The following ARHGAP32 variants were observed in gnomAD, a reference collection of about 807,000 sequenced individuals.
The protein encoded by ARHGAP32 is rho GTPase-activating protein 32.
A neutral mutation model predicts 186.5 loss-of-function variants in ARHGAP32; 51 were observed. That is an observed-to-expected ratio of 0.27 (90% confidence interval 0.22 to 0.35). The LOEUF (loss-of-function observed/expected upper bound fraction) is 0.35, where lower values mean the gene tolerates loss of function less well. Ranked by LOEUF, ARHGAP32 falls within the 10% of genes least tolerant of loss-of-function variation. ARHGAP32 has a pLI of 1.00. For synonymous variants in ARHGAP32, 950 were observed against 964.3 expected (o/e 0.99, Z 0.27); for missense variants, 2,186 against 2,623.5 (o/e 0.83, Z 3.64).
chr11:129,252,597 T>A (rs7927829), intron 1 of ARHGAP32, among the ~76,000 whole-genome samples: 132,931 of 152,254 alleles, frequency 0.87, 58,301 homozygotes, highest in African/African-American at 0.95. Flanking sequence ...TCCAAATTCA[T>A]CTGAGTAGGA....
At chr11:129,050,347 T>G (rs1385687912) in intron 10 of ARHGAP32, among the ~76,000 whole-genome samples, 7 of 152,250 alleles carry the variant, frequency 4.6e-5, no homozygotes, top group African/African-American at 1.7e-4. Flanking sequence ...TTTTTTAAAT[T>G]GAATTGCTTT....
At chr11:129,174,445 T>C (rs1943856747) in intron 1 of ARHGAP32, among the ~76,000 whole-genome samples, 1 of 152,066 alleles carries the variant, frequency 6.6e-6, no homozygotes, top group Admixed American at 6.5e-5. Context: ...CCACCACAGC[T>C]CAAGGAGGCC....
At chr11:129,212,146 C>A (rs1262136332) in intron 1 of ARHGAP32, among the ~76,000 whole-genome samples, 1 of 151,996 alleles carries the variant, frequency 6.6e-6, no homozygotes, top group Non-Finnish European at 1.5e-5. Context: ...CAGAGCAAGA[C>A]CCTGTCTCAA....
rs1319213620 is a variant in ARHGAP32, at chr11:128,986,387, C to T, written c.1443+137G>A. 1.7e-5 allele frequency: 15 copies of T among 901,790 alleles called. No individual in the cohort carries two copies. In the African/African-American group the frequency reaches 2.4e-4, roughly 14 times the overall value. The allele number at this position is 901,790 out of a possible 1,614,324, so 55.9% of individuals were successfully genotyped here. A position where few individuals can be genotyped will look rare whatever the true frequency, so the allele number is the denominator to read the frequency against. ...ACAGCAAAGACCACCGACTAGCTGG[C>T]AATATTTGTTTTTTTAAGGAGTCAT... is the stretch of plus-strand genomic sequence containing the variant. On this transcript the variant is annotated intron_variant, in intron 14 of 22. Transcript: ENST00000682385.
At chr11:129,025,899 ATATT>A (rs1192952252) in intron 11 of ARHGAP32, among the ~76,000 whole-genome samples, 1 of 149,382 alleles carries the variant, frequency 6.7e-6, no homozygotes, top group Non-Finnish European at 1.5e-5. Flanking sequence ...CTTGACATAT[ATATT>A]TAAGTAATAC....
intron 6 of ARHGAP32, among the ~76,000 whole-genome samples, chr11:129,083,988 A>G (rs1476564191): frequency 1.3e-5 from 2 of 151,834 alleles, no homozygotes; most frequent in East Asian, 3.8e-4. Context: ...GACCGTCACT[A>G]CAGATCACAT....
At chr11:128,976,256 T>C (rs1223205638) in intron 20 of ARHGAP32, among the ~76,000 whole-genome samples, 2 of 152,066 alleles carry the variant, frequency 1.3e-5, no homozygotes, top group Non-Finnish European at 2.9e-5. Flanking sequence ...TTGTAAAATC[T>C]AAAGGAAACA....
intron 1 of ARHGAP32, among the ~76,000 whole-genome samples, chr11:129,171,249 C>A (rs1943753761): frequency 6.6e-6 from 1 of 152,172 alleles, no homozygotes; most frequent in African/African-American, 2.4e-5. Context: ...TTTGCCCATG[C>A]CTATGTCCTG....
At chr11:129,043,712 A>C (rs1939697536) in intron 10 of ARHGAP32, among the ~76,000 whole-genome samples, 1 of 151,920 alleles carries the variant, frequency 6.6e-6, no homozygotes, top group Non-Finnish European at 1.5e-5. Context: ...TTGAAGGAGA[A>C]TTGCTTGCAT....
intron 13 of ARHGAP32, among the ~76,000 whole-genome samples, chr11:128,986,938 C>G (rs183908331): frequency 6.6e-6 from 1 of 152,128 alleles, no homozygotes. Flanking sequence ...TATGAATGAA[C>G]AGCTCTTATA....
chr11:129,164,863 T>G (rs960247689), intron 1 of ARHGAP32, among the ~76,000 whole-genome samples: 14 of 152,266 alleles, frequency 9.2e-5, no homozygotes, highest in Middle Eastern at 3.4e-3. Flanking sequence ...CAAATAAGCA[T>G]TTTCAATGAG....
intron 11 of ARHGAP32, among the ~76,000 whole-genome samples, chr11:129,037,853 A>G (rs2033680702): frequency 6.6e-6 from 1 of 152,000 alleles, no homozygotes; most frequent in Non-Finnish European, 1.5e-5. Flanking sequence ...CTGTAATCCC[A>G]GCACTTTGGG....
At chr11:129,232,617 T>TA (rs575193963) in intron 1 of ARHGAP32, among the ~76,000 whole-genome samples, 173 of 150,712 alleles carry the variant, frequency 1.1e-3, no homozygotes, top group Non-Finnish European at 2.2e-3. Context: ...TACAAGGCCA[T>TA]AAAAAAAAAG....
intron 11 of ARHGAP32, among the ~76,000 whole-genome samples, chr11:129,008,733 G>A (rs549429893): frequency 6.6e-6 from 1 of 152,308 alleles, no homozygotes; most frequent in Admixed American, 6.5e-5. Flanking sequence ...TGCTATCTCT[G>A]ACATGTATGC....
chr11:129,276,638 A>C (rs1043895944), intron 1 of ARHGAP32, among the ~76,000 whole-genome samples: 1 of 152,170 alleles, frequency 6.6e-6, no homozygotes, highest in African/African-American at 2.4e-5. Flanking sequence ...TTCTGTTACA[A>C]CATTTAAAAG....
chr11:129,178,636 C>T (rs1943976601), intron 1 of ARHGAP32, among the ~76,000 whole-genome samples: 1 of 151,984 alleles, frequency 6.6e-6, no homozygotes, highest in Non-Finnish European at 1.5e-5. Flanking sequence ...AGAAATAATG[C>T]CGCATATCTA....
rs554678177 is a variant in ARHGAP32 at position 128,995,612 on chromosome 11, G to A, written c.1195+2707C>T. The stretch of plus-strand genomic sequence containing the variant: ...CCAGCACTTTGGGAGGCCAAGGTGG[G>A]TGGATTGCTTGAGTCCAGGAGTTCG... On this transcript the variant is annotated intron_variant, in intron 12 of 22. Transcript: ENST00000682385. 2.6e-5 allele frequency among the ~76,000 whole-genome samples: 4 copies of A among 152,360 alleles called. No homozygotes were observed. In the East Asian group the frequency reaches 7.7e-4, roughly 29 times the overall value.
intron 10 of ARHGAP32, among the ~76,000 whole-genome samples, chr11:129,060,368 GATAGATAGATAGATAA>G: frequency 6.9e-6 from 1 of 145,806 alleles, no homozygotes; most frequent in African/African-American, 2.5e-5. Context: ...TAGATAGATA[GATAGATAGATAGATAA>G]GATAGACAGA....
intron 11 of ARHGAP32, among the ~76,000 whole-genome samples, chr11:129,027,737 G>A (rs1271530522): frequency 1.3e-5 from 2 of 152,028 alleles, no homozygotes; most frequent in Non-Finnish European, 2.9e-5. Flanking sequence ...CCTAGTCTTG[G>A]CATCCGTCTC....
Sources: allele counts gnomAD v4.1 joint callset (sites outside exome capture counted in the v4.1 genomes callset), GRCh38; gene constraint gnomAD v4.1.1; transcripts MANE v1.5; gene names NCBI Gene and HGNC (gene_info 2026-07-23, HGNC 2026-07-21).